Variants in CEP85L observed in about 807,000 individuals in gnomAD.
CEP85L encodes centrosomal protein 85L.
In CEP85L, 60 loss-of-function variants were observed where a neutral mutation model predicts 100.3. That is an observed-to-expected ratio of 0.60 (90% CI 0.49 to 0.74). The LOEUF (loss-of-function observed/expected upper bound fraction) is 0.74. Among genes scored for constraint, CEP85L ranks in the 30% least tolerant of loss-of-function variants. CEP85L has a pLI of 0.00. For missense variants in CEP85L, 973 were observed against 936.2 expected, an observed-to-expected ratio of 1.04 and a Z score of -0.51; for synonymous variants, 319 against 322.7, an observed-to-expected ratio of 0.99 and a Z score of 0.12.
chr6:118,513,143 G>A (rs1776067157), intron 4 of CEP85L, among the ~76,000 whole-genome samples: 1 of 151,810 alleles, frequency 6.6e-6, no homozygotes, highest in Admixed American at 6.6e-5. Context: ...AGAAACACTA[G>A]AGAAAAAAGG....
intron 2 of CEP85L, among the ~76,000 whole-genome samples, chr6:118,570,249 T>C (rs1290927773): frequency 2.0e-5 from 3 of 152,214 alleles, no homozygotes; most frequent in East Asian, 1.9e-4. Context: ...CCAAGGAATA[T>C]AACTTGACCA....
intron 2 of CEP85L, among the ~76,000 whole-genome samples, chr6:118,614,767 G>A (rs560381727): frequency 4.6e-5 from 7 of 152,304 alleles, no homozygotes; most frequent in East Asian, 3.9e-4. Context: ...CTTGGACCCC[G>A]GAGGTGGAGG....
At position 118,666,533 on chromosome 6, in the gene CEP85L, G is replaced by A. The variant is rs941285687; in HGVS notation, c.-27-13725C>T. On this transcript the variant is annotated intron_variant, in intron 1 of 13. Coordinates refer to the CEP85L transcript ENST00000368488. ...TGGCTCTGTTCTAAGAGCTTCAGGGGCATTAGCTCATTCAATCCTCACATT... is the reference window on the plus strand; with the variant it reads ...TGGCTCTGTTCTAAGAGCTTCAGGGACATTAGCTCATTCAATCCTCACATT... 4.6e-5 allele frequency among the ~76,000 whole-genome samples: 7 copies of A among 152,144 alleles called. No homozygotes were observed. The East Asian group carries it at 7.7e-4, about 17-fold the overall frequency.
intron 1 of CEP85L, among the ~76,000 whole-genome samples, chr6:118,672,051 GT>G (rs1562351925): frequency 6.6e-6 from 1 of 151,982 alleles, no homozygotes. Flanking sequence ...TTTTGTTTTT[GT>G]TTTGAGACAG....
intron 2 of CEP85L, among the ~76,000 whole-genome samples, chr6:118,628,625 A>T (rs138193401): frequency 1.2e-3 from 164 of 137,210 alleles, no homozygotes; most frequent in African/African-American, 4.3e-3. Flanking sequence ...ACAGAGCAAG[A>T]CTCCATCCAA....
At chr6:118,553,929 T>C (rs1778695187) in intron 3 of CEP85L, among the ~76,000 whole-genome samples, 3 of 152,184 alleles carry the variant, frequency 2.0e-5, no homozygotes, top group Admixed American at 6.5e-5. Flanking sequence ...AGGAAAATAT[T>C]AGAGCTTACA....
chr6:118,559,392 T>A, intron 3 of CEP85L: 1 of 370,094 alleles, frequency 2.7e-6, no homozygotes, highest in Non-Finnish European at 5.3e-6. Flanking sequence ...GAGTTTAGTT[T>A]TAAAACTGCA....
chr6:118,526,402 T>C (rs1190760910), intron 3 of CEP85L, among the ~76,000 whole-genome samples: 2 of 152,184 alleles, frequency 1.3e-5, no homozygotes, highest in South Asian at 4.1e-4. Flanking sequence ...CATCCATAAA[T>C]AGGCATCCTT....
At chr6:118,513,914 T>C (rs1410068983) in intron 4 of CEP85L, among the ~76,000 whole-genome samples, 1 of 152,002 alleles carries the variant, frequency 6.6e-6, no homozygotes, top group Non-Finnish European at 1.5e-5. Flanking sequence ...TCATAAATTG[T>C]TTGAGGCAAA....
intron 9 of CEP85L, 45 bp from the exon 10 acceptor site, chr6:118,479,966 C>T (rs768429615): frequency 2.0e-6 from 2 of 1,002,268 alleles, no homozygotes; most frequent in Admixed American, 5.0e-5. Flanking sequence ...TTTTACATCG[C>T]TTCTTAAAAG....
In CEP85L at chr6:118,709,532, C is replaced by CGTGTGT. The variant is rs1209782027; in HGVS notation, c.-28+498_-28+503dup. Among the ~76,000 whole-genome samples, 159 of 87,214 alleles carry CGTGTGT rather than the reference C, an allele frequency of 1.8e-3. 1 individual carries two copies. Among genetic ancestry groups the CGTGTGT allele is most frequent in the Middle Eastern group, 5.7e-3 (1 of 174 alleles). 57.2% of individuals were successfully genotyped at this position (87,214 alleles called of 152,430 possible). On this transcript the variant is annotated intron_variant, in intron 1 of 13. Transcript: ENST00000368488. Reference sequence around the variant, plus strand: ...AAAGATAACCAGTAACAACAATTGGCGTGTGTGTGTGTGTGTGTGTGTGTG... The same window carrying CGTGTGT: ...AAAGATAACCAGTAACAACAATTGGCGTGTGTGTGTGTGTGTGTGTGTGTGTGTGTG...
chr6:118,545,460 C>T (rs1206982926), intron 3 of CEP85L, among the ~76,000 whole-genome samples: 6 of 152,196 alleles, frequency 3.9e-5, no homozygotes, highest in African/African-American at 9.6e-5. Context: ...TGGTGGCACA[C>T]GCCTGTAGTC....
intron 4 of CEP85L, among the ~76,000 whole-genome samples, chr6:118,515,508 C>A (rs975024777): frequency 5.9e-5 from 9 of 152,184 alleles, no homozygotes; most frequent in African/African-American, 2.2e-4. Flanking sequence ...AAACAAGCAC[C>A]AACAAACTTA....
chr6:118,574,217 C>A (rs1205336005), intron 2 of CEP85L: 3 of 152,312 alleles, frequency 2.0e-5, no homozygotes, highest in Non-Finnish European at 4.4e-5. Flanking sequence ...CCCACCTTAG[C>A]AACAATCTCC....
intron 2 of CEP85L, among the ~76,000 whole-genome samples, chr6:118,608,081 T>G (rs956980685): frequency 6.6e-6 from 1 of 152,232 alleles, no homozygotes; most frequent in Non-Finnish European, 1.5e-5. Context: ...CTTTAGGCAC[T>G]AGAGATACTA....
intron 9 of CEP85L, 26 bp downstream of exon 9, chr6:118,480,370 G>T: frequency 7.8e-7 from 1 of 1,286,992 alleles, no homozygotes; most frequent in Non-Finnish European, 1.1e-6. Flanking sequence ...TAGATTTCAC[G>T]TTTATGATCT....
At chr6:118,515,176 TC>T (rs1436050698) in intron 4 of CEP85L, among the ~76,000 whole-genome samples, 1 of 152,016 alleles carries the variant, frequency 6.6e-6, no homozygotes, top group Non-Finnish European at 1.5e-5. Context: ...AATAAAAAGA[TC>T]AATTCATTAA....
At chr6:118,527,012 T>C (rs1245169273) in intron 3 of CEP85L, among the ~76,000 whole-genome samples, 38 of 144,594 alleles carry the variant, frequency 2.6e-4, no homozygotes, top group African/African-American at 9.7e-4. Context: ...CTTTTTTTTT[T>C]TTTTTTTTTT....
At chr6:118,604,945 GA>G (rs1178632203) in intron 2 of CEP85L, among the ~76,000 whole-genome samples, 1 of 146,400 alleles carries the variant, frequency 6.8e-6, no homozygotes, top group Non-Finnish European at 1.5e-5. Context: ...CCATTTTTCT[GA>G]AAAAATATTA....
Sources: gnomAD v4.1 joint callset for allele counts (sites outside exome capture counted in the v4.1 genomes callset) on GRCh38, gnomAD v4.1.1 for gene constraint, MANE v1.5 for transcripts, NCBI Gene and HGNC (gene_info 2026-07-23, HGNC 2026-07-21) for gene names.